The following NRXN1 variants were observed in gnomAD, a reference collection of about 807,000 sequenced individuals.
NRXN1 encodes the protein neurexin 1, also known as neurexin-1.
A neutral mutation model predicts 150.9 loss-of-function variants in NRXN1; 39 were observed. That is an observed-to-expected ratio of 0.26 (90% CI 0.20 to 0.34). The LOEUF (loss-of-function observed/expected upper bound fraction) is 0.34. NRXN1 is among the 10% of genes least tolerant of loss of function. The pLI is 1.00. For missense variants in NRXN1, 1,815 were observed against 1,949.9 expected (o/e 0.93, Z 1.30); for synonymous variants, 924 against 757.0 (o/e 1.22, Z -3.62).
At chr2:50,131,845 G>A (rs1030322224) in intron 18 of NRXN1, among the ~76,000 whole-genome samples, 1 of 152,168 alleles carries the variant, frequency 6.6e-6, no homozygotes, top group Non-Finnish European at 1.5e-5. Flanking sequence ...CACCTAGGTA[G>A]TGGTTATCCT....
chr2:50,116,384 G>T (rs1483612049), intron 18 of NRXN1, among the ~76,000 whole-genome samples: 1 of 152,036 alleles, frequency 6.6e-6, no homozygotes, highest in African/African-American at 2.4e-5. Context: ...ATCAATTAAA[G>T]CCTCCATCTA....
intron 17 of NRXN1, among the ~76,000 whole-genome samples, chr2:50,339,154 A>G (rs559376534): frequency 8.4e-4 from 128 of 152,310 alleles, no homozygotes; most frequent in Middle Eastern, 3.4e-3. Flanking sequence ...TGTCCAAATA[A>G]GTAAATTTCA....
At chr2:50,681,996 T>C (rs1262970128) in intron 5 of NRXN1, among the ~76,000 whole-genome samples, 1 of 152,188 alleles carries the variant, frequency 6.6e-6, no homozygotes, top group Non-Finnish European at 1.5e-5. Context: ...TCAAGGATTC[T>C]GAGGCTCAAA....
At chr2:50,601,295 T>G (rs1676228502) in intron 8 of NRXN1, among the ~76,000 whole-genome samples, 2 of 152,196 alleles carry the variant, frequency 1.3e-5, no homozygotes, top group African/African-American at 4.8e-5. Context: ...TGTTTCAGCA[T>G]TCATCAGACT....
At chr2:50,146,410 A>G (rs1708013234) in intron 18 of NRXN1, among the ~76,000 whole-genome samples, 1 of 151,794 alleles carries the variant, frequency 6.6e-6, no homozygotes, top group Non-Finnish European at 1.5e-5. Flanking sequence ...TCACAATAGC[A>G]AAGACTTGGA....
intron 17 of NRXN1, among the ~76,000 whole-genome samples, chr2:50,422,254 C>T (rs1264838109): frequency 6.6e-6 from 1 of 152,082 alleles, no homozygotes; most frequent in Non-Finnish European, 1.5e-5. Flanking sequence ...CACAATGTAA[C>T]ATGATAATCA....
chr2:50,242,300 G>A (rs2066074988), intron 17 of NRXN1, among the ~76,000 whole-genome samples: 1 of 151,694 alleles, frequency 6.6e-6, no homozygotes, highest in South Asian at 2.1e-4. Context: ...TTGGCTTAAG[G>A]TTCATAAAAA....
intron 5 of NRXN1, among the ~76,000 whole-genome samples, chr2:50,665,728 T>C (rs1687929427): frequency 6.6e-6 from 1 of 151,964 alleles, no homozygotes; most frequent in African/African-American, 2.4e-5. Flanking sequence ...TCTAATCATA[T>C]GCAAGAATTG....
At chr2:50,528,753 T>C (rs1327914649) in intron 11 of NRXN1, 102 bp from the exon 12 acceptor site, 3 of 678,378 alleles carry the variant, frequency 4.4e-6, no homozygotes, top group African/African-American at 3.7e-5. Flanking sequence ...GACAGACACA[T>C]GCAAATATGG....
At chr2:50,051,153 C>T (rs970483026) in intron 21 of NRXN1, among the ~76,000 whole-genome samples, 1 of 151,882 alleles carries the variant, frequency 6.6e-6, no homozygotes, top group Non-Finnish European at 1.5e-5. Context: ...AACTCTTTAC[C>T]TTCTGCATTT....
intron 5 of NRXN1, among the ~76,000 whole-genome samples, chr2:50,778,020 C>A (rs548301282): frequency 6.6e-6 from 1 of 152,228 alleles, no homozygotes; most frequent in East Asian, 1.9e-4. Context: ...CTGTGTTATT[C>A]ATAACATAAC....
chr2:50,849,728 C>G (rs1342502625), intron 5 of NRXN1, among the ~76,000 whole-genome samples: 2 of 152,048 alleles, frequency 1.3e-5, no homozygotes, highest in Non-Finnish European at 2.9e-5. Context: ...GTAGCTATTT[C>G]CTGTGTGCTA....
intron 8 of NRXN1, among the ~76,000 whole-genome samples, chr2:50,570,203 A>G (rs529948994): frequency 1.3e-5 from 2 of 152,230 alleles, no homozygotes; most frequent in African/African-American, 2.4e-5. Flanking sequence ...TCTCTTGAGA[A>G]CATGTTATTC....
chr2:49,973,857 A>G (rs2152498726), intron 21 of NRXN1: 1 of 606,346 alleles, frequency 1.6e-6, no homozygotes, highest in African/African-American at 1.9e-5. Flanking sequence ...GTTTATCCAA[A>G]TGAGTTTATT....
intron 17 of NRXN1, among the ~76,000 whole-genome samples, chr2:50,381,139 A>G (rs2080927323): frequency 6.6e-6 from 1 of 152,172 alleles, no homozygotes; most frequent in African/African-American, 2.4e-5. Context: ...TGAATGGAAC[A>G]TGGATAAGCC....
intron 5 of NRXN1, among the ~76,000 whole-genome samples, chr2:50,653,336 C>T (rs973223495): frequency 4.6e-5 from 7 of 152,030 alleles, no homozygotes; most frequent in Non-Finnish European, 8.8e-5. Flanking sequence ...CATACAGAAA[C>T]AACCTGATTG....
chr2:49,928,568 G>A (rs886948354), intron 22 of NRXN1, among the ~76,000 whole-genome samples: 1 of 152,028 alleles, frequency 6.6e-6, no homozygotes, highest in Non-Finnish European at 1.5e-5. Context: ...AATTGGAATT[G>A]TAGCCTCCTG....
intron 5 of NRXN1, among the ~76,000 whole-genome samples, chr2:50,685,816 C>G (rs1056137921): frequency 3.3e-5 from 5 of 152,164 alleles, no homozygotes; most frequent in Admixed American, 1.3e-4. Context: ...ACCCCAATGT[C>G]TCATTTGCAC....
intron 8 of NRXN1, among the ~76,000 whole-genome samples, chr2:50,566,953 C>T (rs1669970109): frequency 6.6e-6 from 1 of 152,088 alleles, no homozygotes; most frequent in African/African-American, 2.4e-5. Flanking sequence ...GACCAAGTGC[C>T]TCATTAACTA....
Sources: allele counts gnomAD v4.1 joint callset (sites outside exome capture counted in the v4.1 genomes callset), GRCh38; gene constraint gnomAD v4.1.1; transcripts MANE v1.5; gene names NCBI Gene and HGNC (gene_info 2026-07-23, HGNC 2026-07-21).